Variants in SLC25A21 observed in about 807,000 individuals in gnomAD.
SLC25A21 encodes the protein mitochondrial 2-oxodicarboxylate carrier.
A neutral mutation model predicts 43.8 loss-of-function variants in SLC25A21; 47 were observed. The ratio of observed to expected loss-of-function variants is 1.07; its 90% CI spans 0.85 to 1.37. The LOEUF is 1.37. Among genes scored for constraint, SLC25A21 ranks in the 40% most tolerant of loss-of-function variants. SLC25A21 has a pLI of 0.00. For synonymous variants in SLC25A21, 131 were observed against 121.3 expected (o/e 1.08, Z -0.52); for missense variants, 352 against 350.2 (o/e 1.00, Z -0.04).
chr14:37,004,389 T>C (rs1960551923), intron 1 of SLC25A21, among the ~76,000 whole-genome samples: 1 of 152,188 alleles, frequency 6.6e-6, no homozygotes, highest in African/African-American at 2.4e-5. Flanking sequence ...AAAACCTGTC[T>C]CAGACAGAAA....
intron 1 of SLC25A21, among the ~76,000 whole-genome samples, chr14:36,964,696 A>G (rs537401338): frequency 2.2e-4 from 34 of 152,186 alleles, no homozygotes; most frequent in Non-Finnish European, 4.3e-4. Context: ...GACTATAAAT[A>G]TAAGTAGAAT....
chr14:37,085,393 C>T (rs1236995699), intron 1 of SLC25A21, among the ~76,000 whole-genome samples: 2 of 152,054 alleles, frequency 1.3e-5, no homozygotes, highest in Non-Finnish European at 2.9e-5. Flanking sequence ...GGTAAACATT[C>T]TATCAATATT....
intron 4 of SLC25A21, 66 bp from the exon 5 acceptor site, chr14:36,729,632 C>G (rs753210452): frequency 6.0e-5 from 80 of 1,330,418 alleles, no homozygotes; most frequent in Non-Finnish European, 1.5e-5. Flanking sequence ...TTAATTGACT[C>G]AAATTTCTTT....
intron 1 of SLC25A21, among the ~76,000 whole-genome samples, chr14:37,085,678 T>C (rs1052717853): frequency 6.6e-6 from 1 of 152,242 alleles, no homozygotes; most frequent in Admixed American, 6.5e-5. Context: ...CAATGAGCAT[T>C]ATGAGCTGTA....
intron 1 of SLC25A21, among the ~76,000 whole-genome samples, chr14:37,017,428 G>T (rs1960881920): frequency 6.6e-6 from 1 of 152,044 alleles, no homozygotes; most frequent in South Asian, 2.1e-4. Flanking sequence ...GGTTCATGGT[G>T]CTCAAAACCA....
At chr14:36,730,871 A>C (rs1884790694) in intron 4 of SLC25A21, among the ~76,000 whole-genome samples, 1 of 152,206 alleles carries the variant, frequency 6.6e-6, no homozygotes, top group Non-Finnish European at 1.5e-5. Context: ...CCTGGTGTTA[A>C]AATAGTACTC....
chr14:36,896,342 G>A (rs1175718188), intron 1 of SLC25A21, among the ~76,000 whole-genome samples: 3 of 151,916 alleles, frequency 2.0e-5, no homozygotes, highest in Non-Finnish European at 4.4e-5. Flanking sequence ...AGTCTGTTTT[G>A]TCAGAGACTA....
chr14:37,109,616 A>G (rs1962981950), intron 1 of SLC25A21, among the ~76,000 whole-genome samples: 1 of 152,190 alleles, frequency 6.6e-6, no homozygotes, highest in South Asian at 2.1e-4. Flanking sequence ...TTAATGAATG[A>G]TGTTGTGCAG....
At chr14:36,727,645 G>A (rs952543559) in intron 5 of SLC25A21, among the ~76,000 whole-genome samples, 1 of 151,984 alleles carries the variant, frequency 6.6e-6, no homozygotes, top group African/African-American at 2.4e-5. Flanking sequence ...CTGAGATCAT[G>A]CCACTGCACT....
chr14:37,036,573 C>T (rs960494419), intron 1 of SLC25A21, among the ~76,000 whole-genome samples: 4 of 151,990 alleles, frequency 2.6e-5, no homozygotes, highest in African/African-American at 9.7e-5. Context: ...AGGGAGGACC[C>T]GTCTCTATTA....
intron 1 of SLC25A21, among the ~76,000 whole-genome samples, chr14:37,160,295 G>A (rs546257269): frequency 6.6e-6 from 1 of 152,284 alleles, no homozygotes; most frequent in South Asian, 2.1e-4. Context: ...ATTCACTATA[G>A]CAAACACATG....
intron 6 of SLC25A21, among the ~76,000 whole-genome samples, chr14:36,724,182 T>G (rs1367174955): frequency 2.0e-5 from 3 of 152,226 alleles, no homozygotes; most frequent in Non-Finnish European, 4.4e-5. Flanking sequence ...AGATGCTATA[T>G]ATTACTGTAT....
At chr14:37,037,257 A>G (rs1032022234) in intron 1 of SLC25A21, among the ~76,000 whole-genome samples, 3 of 152,178 alleles carry the variant, frequency 2.0e-5, no homozygotes, top group Non-Finnish European at 4.4e-5. Flanking sequence ...TCCTCGGCAG[A>G]ATTTCTAAGT....
rs183955919 is a variant in SLC25A21, at chr14:36,694,966, G to A, written c.604-10041C>T. On this transcript the variant is annotated intron_variant, in intron 7 of 9. Transcript: ENST00000331299. ...TCTTGCCATTGCTTTTGGTGTTTTC[G>A]TCATGCAGTCCTTGCCCATGCCTGT... Among the ~76,000 whole-genome samples the A allele has an allele frequency of 6.9e-4, 105 of 152,252 alleles. 1 individual carries two copies. Among genetic ancestry groups the A allele is most frequent in the East Asian group, 1.7e-3 (9 of 5,184 alleles).
chr14:37,010,746 T>C (rs1167038405), intron 1 of SLC25A21, among the ~76,000 whole-genome samples: 1 of 152,214 alleles, frequency 6.6e-6, no homozygotes, highest in Non-Finnish European at 1.5e-5. Context: ...CTTTCCTTCC[T>C]TATTTTTTAC....
rs560281992 is a variant in SLC25A21, at chr14:36,881,278, T to C, written c.71-6274A>G. Among the ~76,000 whole-genome samples the C allele has an allele frequency of 1.7e-4, 26 of 152,320 alleles. No individual in the cohort carries two copies. The South Asian group carries it at 5.0e-3, about 29-fold the overall frequency. ...CATCATCTGTGGCCTGCGTATTCTT[T>C]ATATTTGAGATTACTTGCCCTAAGT... is the stretch of plus-strand genomic sequence containing the variant. On this transcript the variant is annotated intron_variant, in intron 1 of 9. Coordinates refer to ENST00000331299, the MANE Select transcript of SLC25A21 (RefSeq NM_030631.4).
chr14:37,168,201 C>T (rs112871824), intron 1 of SLC25A21, among the ~76,000 whole-genome samples: 1 of 152,038 alleles, frequency 6.6e-6, no homozygotes, highest in Non-Finnish European at 1.5e-5. Context: ...TCATCTTTAA[C>T]CCCTCTGCAA....
At chr14:37,133,428 T>C (rs1270404055) in intron 1 of SLC25A21, among the ~76,000 whole-genome samples, 2 of 151,932 alleles carry the variant, frequency 1.3e-5, no homozygotes, top group African/African-American at 2.4e-5. Flanking sequence ...ACCAAATCCA[T>C]GTGATTCTCC....
At chr14:36,799,258 A>G (rs74044992) in intron 3 of SLC25A21, among the ~76,000 whole-genome samples, 6,078 of 152,246 alleles carry the variant, frequency 0.04, 394 homozygotes, top group African/African-American at 0.14. Context: ...ACAAGGATGT[A>G]GAAAGGTAAA....
Sources: allele counts gnomAD v4.1 joint callset (sites outside exome capture counted in the v4.1 genomes callset), GRCh38; gene constraint gnomAD v4.1.1; transcripts MANE v1.5; gene names NCBI Gene and HGNC (gene_info 2026-07-23, HGNC 2026-07-21).